The following ABCB1 variants were observed in gnomAD, a reference collection of about 807,000 sequenced individuals.
ABCB1 encodes the protein ATP-dependent translocase ABCB1.
Under a neutral mutation model 142.0 loss-of-function variants are expected in ABCB1, and 69 were observed. The observed-to-expected ratio is 0.49, with a 90% CI of 0.40 to 0.59. The LOEUF is 0.59. Ranked by LOEUF, ABCB1 falls within the 20% of genes least tolerant of loss-of-function variation. The probability of loss-of-function intolerance (pLI) is 0.00; values close to 1 mark genes in which losing one functional copy is unlikely to be tolerated. For missense variants in ABCB1, 1,326 were observed against 1,554.7 expected (o/e 0.85, Z 2.47); for synonymous variants, 532 against 539.2 (o/e 0.99, Z 0.18).
intron 25 of ABCB1, among the ~76,000 whole-genome samples, chr7:87,511,879 G>A (rs1452934898): frequency 6.6e-6 from 1 of 152,184 alleles, no homozygotes; most frequent in African/African-American, 2.4e-5. Flanking sequence ...TGTTGTATAT[G>A]GGAGAGACTG....
At chr7:87,511,887 C>T (rs578181012) in intron 25 of ABCB1, among the ~76,000 whole-genome samples, 19 of 152,036 alleles carry the variant, frequency 1.2e-4, no homozygotes, top group Non-Finnish European at 2.4e-4. Context: ...ATGGGAGAGA[C>T]TGGAAAGGGG....
At chr7:87,643,484 G>T (rs1219315115) in intron 1 of ABCB1, among the ~76,000 whole-genome samples, 2 of 152,108 alleles carry the variant, frequency 1.3e-5, no homozygotes, top group East Asian at 1.9e-4. Context: ...TATTAGAAAA[G>T]AAAGAGGAAA....
At chr7:87,693,308 A>G (rs1828182222) in intron 1 of ABCB1, among the ~76,000 whole-genome samples, 1 of 152,224 alleles carries the variant, frequency 6.6e-6, no homozygotes, top group Admixed American at 6.5e-5. Flanking sequence ...AAACTGACCA[A>G]CATTTTATAT....
chr7:87,572,129 T>C (rs1818080992), intron 4 of ABCB1, among the ~76,000 whole-genome samples: 1 of 152,160 alleles, frequency 6.6e-6, no homozygotes, highest in African/African-American at 2.4e-5. Context: ...CAGGTGAGGA[T>C]TTTTCTCCAA....
intron 1 of ABCB1, among the ~76,000 whole-genome samples, chr7:87,704,411 T>A (rs192126783): frequency 5.9e-5 from 9 of 152,338 alleles, no homozygotes; most frequent in African/African-American, 2.2e-4. Context: ...CAGTGTATTC[T>A]AAACCCTTTC....
At chr7:87,613,085 A>G (rs1344030347) in intron 1 of ABCB1, among the ~76,000 whole-genome samples, 3 of 149,754 alleles carry the variant, frequency 2.0e-5, no homozygotes, top group Non-Finnish European at 3.0e-5. Context: ...TCATTGGTGC[A>G]TAGCAGTGCT....
chr7:87,515,602 T>A (rs979751707), intron 24 of ABCB1, among the ~76,000 whole-genome samples, 174 bp from the exon 25 acceptor site: 4 of 151,992 alleles, frequency 2.6e-5, no homozygotes, highest in African/African-American at 9.7e-5. Context: ...TTATTTTTTA[T>A]TTTTTTGAGA....
intron 21 of ABCB1, among the ~76,000 whole-genome samples, chr7:87,529,110 A>T (rs2117121905): frequency 6.6e-6 from 1 of 152,300 alleles, no homozygotes; most frequent in Non-Finnish European, 1.5e-5. Context: ...GGTCAGAATG[A>T]CTTCTGTAAG....
At chr7:87,532,271 C>T (rs1468276414) in intron 20 of ABCB1, among the ~76,000 whole-genome samples, 1 of 152,058 alleles carries the variant, frequency 6.6e-6, no homozygotes, top group Non-Finnish European at 1.5e-5. Flanking sequence ...CTGCCCTGGC[C>T]CCAGACCTGC....
chr7:87,694,599 A>G (rs1828328457), intron 1 of ABCB1, among the ~76,000 whole-genome samples: 1 of 152,152 alleles, frequency 6.6e-6, no homozygotes, highest in Admixed American at 6.5e-5. Context: ...TATCTGTTTT[A>G]TGTTCTGTAC....
chr7:87,568,606 G>A (rs775030447), intron 5 of ABCB1, among the ~76,000 whole-genome samples: 1 of 152,194 alleles, frequency 6.6e-6, no homozygotes, highest in Non-Finnish European at 1.5e-5. Context: ...CAAGCAGACA[G>A]TCTCTGACAT....
At chr7:87,573,261 C>G (rs1818128945) in intron 4 of ABCB1, among the ~76,000 whole-genome samples, 1 of 152,100 alleles carries the variant, frequency 6.6e-6, no homozygotes, top group East Asian at 1.9e-4. Context: ...AGGTTATCAC[C>G]AGTTTGTAGG....
In ABCB1 at chr7:87,521,962, C is replaced by A; in HGVS notation, c.2686-1086G>T. The A allele has an allele frequency of 3.7e-6, 3 of 801,196 alleles. No individual in the cohort carries two copies. In the South Asian group the frequency reaches 4.0e-5, roughly 11 times the overall value. The allele number at this position is 801,196 out of a possible 1,614,324, so 49.6% of individuals were successfully genotyped here. ...GGGTAAGACTGTCACTGAGAAATAC[C>A]CATACTGTGAATGGCCACACTTGTG... On this transcript the variant is annotated intron_variant, in intron 21 of 27. Coordinates refer to ENST00000622132, the MANE Select transcript of ABCB1 (RefSeq NM_001348946.2).
rs952963770 is a variant in ABCB1 at position 87,711,819 on chromosome 7, C to T, written c.-331+1342G>A. Among the ~76,000 whole-genome samples the T allele has an allele frequency of 4.6e-5, 7 of 152,192 alleles. No homozygotes were observed. In the South Asian group the frequency reaches 8.3e-4, roughly 18 times the overall value. ...CCTCATCACAGAAGGTTCTATTGGT[C>T]GGAGCTGCCTGAGATATTTCTAAAC... On this transcript the variant is annotated intron_variant, in intron 1 of 28. Transcript: ENST00000265724.
intron 1 of ABCB1, among the ~76,000 whole-genome samples, chr7:87,619,718 A>C (rs573516284): frequency 6.6e-6 from 1 of 151,306 alleles, no homozygotes; most frequent in South Asian, 2.1e-4. Flanking sequence ...CTGTAAACTT[A>C]TTTTTATATA....
At chr7:87,561,499 G>T in intron 7 of ABCB1, 112 bp from the exon 8 acceptor site, 1 of 1,085,850 alleles carries the variant, frequency 9.2e-7, no homozygotes, top group Non-Finnish European at 1.3e-6. Context: ...CATGTGTAGA[G>T]CAAAATCTGT....
chr7:87,706,331 A>G (rs1488715244), intron 1 of ABCB1, among the ~76,000 whole-genome samples: 15 of 152,016 alleles, frequency 9.9e-5, no homozygotes, highest in Non-Finnish European at 2.9e-5. Flanking sequence ...TTTCCATTTT[A>G]TAAGATCAGC....
intron 1 of ABCB1, among the ~76,000 whole-genome samples, chr7:87,677,768 G>T (rs1585076260): frequency 6.6e-6 from 1 of 152,092 alleles, no homozygotes; most frequent in Non-Finnish European, 1.5e-5. Flanking sequence ...AAACATAGAA[G>T]ATTACAGCAA....
At chr7:87,699,150 GA>G (rs1181291467) in intron 1 of ABCB1, among the ~76,000 whole-genome samples, 1 of 152,088 alleles carries the variant, frequency 6.6e-6, no homozygotes, top group Admixed American at 6.5e-5. Context: ...TTGCTGACAA[GA>G]ACACTTCTTG....
Sources: allele counts gnomAD v4.1 joint callset (sites outside exome capture counted in the v4.1 genomes callset), GRCh38; gene constraint gnomAD v4.1.1; transcripts MANE v1.5; gene names NCBI Gene and HGNC (gene_info 2026-07-23, HGNC 2026-07-21).